Variants in SUCO observed in about 807,000 individuals in gnomAD.
SUCO encodes SUN domain containing ossification factor.
In SUCO, 57 loss-of-function variants were observed where a neutral mutation model predicts 148.1. The observed-to-expected ratio is 0.38, with a 90% CI of 0.31 to 0.48. SUCO has a LOEUF of 0.48. SUCO is among the 20% of genes least tolerant of loss of function. SUCO has a pLI of 0.96. For missense variants in SUCO, 1,331 were observed against 1,468.2 expected, an observed-to-expected ratio of 0.91 and a Z score of 1.53; for synonymous variants, 470 against 502.7, an observed-to-expected ratio of 0.93 and a Z score of 0.87.
At chr1:172,599,200 G>A (rs1259565854) in intron 19 of SUCO, among the ~76,000 whole-genome samples, 1 of 152,088 alleles carries the variant, frequency 6.6e-6, no homozygotes, top group East Asian at 1.9e-4. Flanking sequence ...ATAGTGGCGG[G>A]CACCTGTAGT....
upstream of SUCO, chr1:172,533,094 C>T: frequency 7.0e-7 from 1 of 1,428,504 alleles, no homozygotes. Context: ...GGCGAGTACG[C>T]GGCGGCCGTT....
In SUCO at chr1:172,533,201, G is replaced by C. The variant is rs749738669; in HGVS notation, c.-235G>C. 1.3e-6 allele frequency: 2 copies of C among 1,512,826 alleles called. No homozygotes were observed. The highest frequency in any genetic ancestry group is 1.8e-6 in the Non-Finnish European group (2 of 1,130,860). 93.7% of individuals were successfully genotyped at this position (1,512,826 alleles called of 1,614,324 possible). A position where few individuals can be genotyped will look rare whatever the true frequency, so the allele number is the denominator to read the frequency against. On this transcript the variant is annotated 5_prime_UTR_variant, in exon 1 of 24. Coordinates refer to ENST00000263688, the MANE Select transcript of SUCO (RefSeq NM_014283.5). The stretch of plus-strand genomic sequence containing the variant: ...GGCGGGCGTGGACGAGCCGGTGGCT[G>C]CAGCGGCGGCGGTCCCCGGAGTCCT...
chr1:172,590,190 C>A, intron 18 of SUCO: 2 of 314,832 alleles, frequency 6.4e-6, no homozygotes, highest in Non-Finnish European at 9.2e-6. Flanking sequence ...TCTATACTCA[C>A]TTTCACCTTT....
intron 15 of SUCO, among the ~76,000 whole-genome samples, chr1:172,583,107 G>T (rs961006178): frequency 6.6e-6 from 1 of 152,240 alleles, no homozygotes; most frequent in South Asian, 2.1e-4. Flanking sequence ...TGTAGGTGGG[G>T]CATCATAAAT....
chr1:172,533,679 A>G lies in SUCO; in HGVS notation c.62+182A>G, dbSNP rs375476480. On this transcript the variant is annotated intron_variant, in intron 1 of 23. Coordinates refer to ENST00000263688, the MANE Select transcript of SUCO (RefSeq NM_014283.5). ...TGGTCTGGTAGTGCTCTGTGCGGAG[A>G]TTTTCATGGTGTATTTTGGAATTTA... Among the ~76,000 whole-genome samples, 9 of 152,008 alleles carry G rather than the reference A, an allele frequency of 5.9e-5. No individual in the cohort carries two copies. In the East Asian group the frequency reaches 1.7e-3, roughly 29 times the overall value.
upstream of SUCO, chr1:172,533,056 C>T: frequency 7.0e-7 from 1 of 1,429,518 alleles, no homozygotes; most frequent in Non-Finnish European, 9.1e-7. Flanking sequence ...TGAGGTGTCG[C>T]GGCCCCGCCG....
chr1:172,555,877 G>A lies in SUCO; in HGVS notation c.297G>A (p.Glu99=), dbSNP rs934505124. The part of the protein sequence containing the change: ...DDSIVDVQNT[E]SKKLSPPVVE... ...CTTGTTTTTTTAAACAGAATACAGA[G>A]TCAAAAAAGTTAAGTCCACCGGTGG... is the stretch of plus-strand genomic sequence containing the variant. Residue 99 remains glutamate (E), a synonymous_variant, in exon 4 of 24, where the codon GAG becomes GAA. Transcript: ENST00000263688. 1.2e-6 allele frequency: 2 copies of A among 1,609,628 alleles called. No individual in the cohort carries two copies. The highest frequency in any genetic ancestry group is 1.7e-6 in the Non-Finnish European group (2 of 1,177,664).
chr1:172,609,356 G>C, intron 23 of SUCO: 1 of 983,214 alleles, frequency 1.0e-6, no homozygotes, highest in Non-Finnish European at 1.2e-6. Context: ...AAAGAACTTG[G>C]GCTTTGTAGG....
chr1:172,605,828 G>A (rs12040067), intron 22 of SUCO, among the ~76,000 whole-genome samples: 1 of 151,594 alleles, frequency 6.6e-6, no homozygotes, highest in Admixed American at 6.6e-5. Flanking sequence ...AACTGTGTTA[G>A]CTTGCATTTT....
intron 6 of SUCO, among the ~76,000 whole-genome samples, 195 bp from the exon 7 acceptor site, chr1:172,568,824 G>A (rs893980112): frequency 4.6e-5 from 7 of 152,030 alleles, no homozygotes; most frequent in African/African-American, 1.7e-4. Context: ...TAAAAAGAAT[G>A]TTTAAATTAT....
intron 1 of SUCO, among the ~76,000 whole-genome samples, chr1:172,533,967 G>A (rs1253423201): frequency 6.6e-6 from 1 of 152,140 alleles, no homozygotes; most frequent in East Asian, 1.9e-4. Context: ...ATAAGCAGTA[G>A]TTCTCCTGGA....
chr1:172,599,502 T>A, intron 19 of SUCO: 1 of 548,194 alleles, frequency 1.8e-6, no homozygotes, highest in Non-Finnish European at 2.3e-6. Context: ...GATGGAAAGA[T>A]AGGCATTTTT....
In SUCO at chr1:172,570,139, G is replaced by A; in HGVS notation, c.949G>A (p.Ala317Thr). Residue 317 changes from alanine (A) to threonine (T), a missense_variant, in exon 8 of 24, where the codon GCC becomes ACC. This residue lies in a region of SUCO where 992 missense variants were observed against 1,093.5 expected (regional missense o/e 0.91). Transcript: ENST00000263688. ...RNNYASVECG[A>T]KILAANPEAK... ...TAATTATGCCTCAGTAGAATGTGGT[G>A]CCAAAATTCTAGCAGCTAATCCAGA... is the stretch of plus-strand genomic sequence containing the variant. 2 of 1,586,902 alleles carry A rather than the reference G, an allele frequency of 1.3e-6. No homozygotes were observed. The highest frequency in any genetic ancestry group is 1.7e-6 in the Non-Finnish European group (2 of 1,165,298).
chr1:172,540,631 CTT>C (rs749050856), intron 1 of SUCO, among the ~76,000 whole-genome samples: 12 of 152,164 alleles, frequency 7.9e-5, no homozygotes, highest in Non-Finnish European at 1.8e-4. Flanking sequence ...GAAGGCTTGA[CTT>C]GGGTTTAAGG....
chr1:172,603,927 GGTT>G (rs1003760856), intron 22 of SUCO, among the ~76,000 whole-genome samples: 10 of 151,948 alleles, frequency 6.6e-5, no homozygotes, highest in African/African-American at 2.4e-4. Context: ...TTCATTTTGA[GGTT>G]GTTACATACT....
chr1:172,591,169 C>A, intron 19 of SUCO, 98 bp downstream of exon 19: 1 of 869,262 alleles, frequency 1.2e-6, no homozygotes, highest in East Asian at 2.7e-5. Context: ...TTCACTTTTT[C>A]CCCCTGCTAG....
rs1404348986 is a variant in SUCO, at chr1:172,552,679, C to T, written c.178-581C>T. On this transcript the variant is annotated intron_variant, in intron 2 of 23. Transcript: ENST00000263688. ...AAAAAACTATAATTTTATATTTTCA[C>T]CCACACAGTATATAAGATTTTGATT... 10 of 955,088 alleles carry T rather than the reference C, an allele frequency of 1.0e-5. No individual in the cohort carries two copies. The South Asian group carries it at 3.9e-4, about 37-fold the overall frequency. 59.2% of individuals were successfully genotyped at this position (955,088 alleles called of 1,614,324 possible). A position where few individuals can be genotyped will look rare whatever the true frequency, so the allele number is the denominator to read the frequency against.
chr1:172,597,391 G>A (rs1657191895), intron 19 of SUCO, among the ~76,000 whole-genome samples: 1 of 152,188 alleles, frequency 6.6e-6, no homozygotes, highest in Non-Finnish European at 1.5e-5. Flanking sequence ...GACTGGAGCT[G>A]TTCCTATTCG....
chr1:172,538,820 G>A (rs1310703558), intron 1 of SUCO, among the ~76,000 whole-genome samples: 6 of 152,162 alleles, frequency 3.9e-5, no homozygotes, highest in South Asian at 2.1e-4. Flanking sequence ...AAGAGGTGTC[G>A]GGTCATACAG....
Sources: gnomAD v4.1 joint callset for allele counts (sites outside exome capture counted in the v4.1 genomes callset) on GRCh38, gnomAD v4.1.1 for gene constraint, gnomAD v4.1.1 regional missense constraint, MANE v1.5 for transcripts, NCBI Gene and HGNC (gene_info 2026-07-23, HGNC 2026-07-21) for gene names.